The following IL1RAPL1 variants were observed in gnomAD, a reference collection of about 807,000 sequenced individuals.
IL1RAPL1 encodes interleukin 1 receptor accessory protein like 1.
A neutral mutation model predicts 48.4 loss-of-function variants in IL1RAPL1; 3 were observed. The observed-to-expected ratio is 0.06, with a 90% CI of 0.03 to 0.16. The LOEUF is 0.16. IL1RAPL1 is among the 10% of genes least tolerant of loss of function. The pLI is 1.00. For synonymous variants in IL1RAPL1, 185 were observed against 187.7 expected (o/e 0.99, Z 0.12); for missense variants, 349 against 530.6 (o/e 0.66, Z 3.36).
chrX:29,703,487 C>T (rs1016990840), intron 6 of IL1RAPL1, among the ~76,000 whole-genome samples: 6 of 110,405 alleles, frequency 5.4e-5, no homozygotes, highest in Admixed American at 3.9e-4. Flanking sequence ...GGACTACAGG[C>T]GCCCGCCACC....
At chrX:28,828,256 G>A (rs1920984411) in intron 2 of IL1RAPL1, among the ~76,000 whole-genome samples, 1 of 111,782 alleles carries the variant, frequency 8.9e-6, no homozygotes, top group African/African-American at 3.2e-5. Context: ...TCCCATCTCA[G>A]TGAAATATCT....
At chrX:29,577,638 A>G (rs1053171108) in intron 5 of IL1RAPL1, among the ~76,000 whole-genome samples, 2 of 111,948 alleles carry the variant, frequency 1.8e-5, no homozygotes, top group African/African-American at 3.2e-5. Flanking sequence ...AAAGATGGTG[A>G]TGGAAAACTA....
At chrX:28,688,419 C>A (rs985739122) in intron 1 of IL1RAPL1, among the ~76,000 whole-genome samples, 19 of 111,082 alleles carry the variant, frequency 1.7e-4, no homozygotes, top group Non-Finnish European at 9.4e-5. Flanking sequence ...GTTGCCCAGG[C>A]TAGTAGTGTT....
intron 2 of IL1RAPL1, among the ~76,000 whole-genome samples, chrX:28,975,964 C>T (rs1462675223): frequency 1.8e-5 from 2 of 111,354 alleles, no homozygotes; most frequent in East Asian, 2.8e-4. Flanking sequence ...GAAATGAACA[C>T]GTATGTCATG....
chrX:29,115,372 C>T (rs1156955046), intron 2 of IL1RAPL1, among the ~76,000 whole-genome samples: 1 of 111,241 alleles, frequency 9.0e-6, no homozygotes, highest in Non-Finnish European at 1.9e-5. Flanking sequence ...CACTAAGCTC[C>T]CAGATTTGAT....
At chrX:28,803,692 G>A (rs1037172428) in intron 2 of IL1RAPL1, among the ~76,000 whole-genome samples, 1 of 111,566 alleles carries the variant, frequency 9.0e-6, no homozygotes, top group African/African-American at 3.3e-5. Context: ...ATGTACAACT[G>A]TACTTGATTA....
At chrX:29,579,774 C>A (rs5927818) in intron 5 of IL1RAPL1, among the ~76,000 whole-genome samples, 54,211 of 110,408 alleles carry the variant, frequency 0.49, 10,271 homozygotes, top group African/African-American at 0.7. Flanking sequence ...TGAAAACCAA[C>A]ATATCTAACT....
intron 3 of IL1RAPL1, among the ~76,000 whole-genome samples, chrX:29,300,575 A>G (rs1932518075): frequency 8.9e-6 from 1 of 112,239 alleles, no homozygotes; most frequent in South Asian, 3.7e-4. Context: ...GTGATCTTCA[A>G]ATGAATAAGC....
At chrX:29,061,727 G>A (rs779939243) in intron 2 of IL1RAPL1, among the ~76,000 whole-genome samples, 12 of 112,409 alleles carry the variant, frequency 1.1e-4, no homozygotes, top group African/African-American at 1.6e-4. Flanking sequence ...CCAAAGTGCC[G>A]GGATTATAGG....
At chrX:29,908,444 T>A (rs917492762) in intron 6 of IL1RAPL1, among the ~76,000 whole-genome samples, 3 of 109,180 alleles carry the variant, frequency 2.7e-5, no homozygotes, top group African/African-American at 9.9e-5. Context: ...AAGACCCACA[T>A]TCTCTCTTGG....
chrX:28,636,700 G>A (rs778774300), intron 1 of IL1RAPL1, among the ~76,000 whole-genome samples: 21 of 111,343 alleles, frequency 1.9e-4, no homozygotes, highest in African/African-American at 6.9e-4. Context: ...GTTCAAGGGA[G>A]GAAGAAGGAA....
intron 2 of IL1RAPL1, among the ~76,000 whole-genome samples, chrX:29,048,343 T>C (rs950889550): frequency 2.7e-5 from 3 of 112,063 alleles, no homozygotes; most frequent in Admixed American, 9.5e-5. Flanking sequence ...ATTAGTGTTC[T>C]ATGCCAAAAC....
chrX:29,738,818 C>G (rs917951245), intron 6 of IL1RAPL1, among the ~76,000 whole-genome samples: 7 of 112,035 alleles, frequency 6.2e-5, no homozygotes, highest in Non-Finnish European at 1.1e-4. Flanking sequence ...ACAGGGCTCT[C>G]TTGGAGAGTT....
chrX:29,371,358 C>T (rs1933543092), intron 3 of IL1RAPL1, among the ~76,000 whole-genome samples: 1 of 110,967 alleles, frequency 9.0e-6, no homozygotes, highest in Non-Finnish European at 1.9e-5. Context: ...TCTCAAACTC[C>T]TGATTTCAGG....
chrX:29,888,985 C>G (rs756691708), intron 6 of IL1RAPL1, among the ~76,000 whole-genome samples: 3 of 111,861 alleles, frequency 2.7e-5, no homozygotes, highest in Non-Finnish European at 5.6e-5. Flanking sequence ...ATAATTAACC[C>G]TTCAAAACTA....
intron 2 of IL1RAPL1, among the ~76,000 whole-genome samples, chrX:29,176,260 AT>A (rs779013148): frequency 1.7e-3 from 155 of 90,803 alleles, no homozygotes; most frequent in East Asian, 2.4e-3. Context: ...CGCCTGGCTA[AT>A]TTTTTTTTTT....
chrX:29,834,364 A>G (rs754892723), intron 6 of IL1RAPL1, among the ~76,000 whole-genome samples: 18 of 111,853 alleles, frequency 1.6e-4, no homozygotes, highest in Non-Finnish European at 3.0e-4. Flanking sequence ...TCTAGTAGTG[A>G]GTGCAACAGC....
At chrX:29,199,315 A>C (rs1041863688) in intron 2 of IL1RAPL1, among the ~76,000 whole-genome samples, 9 of 111,391 alleles carry the variant, frequency 8.1e-5, no homozygotes, top group Non-Finnish European at 1.5e-4. Context: ...TTTTCTTTGA[A>C]TGATACTATA....
chrX:29,288,149 A>G (rs2147603122), intron 3 of IL1RAPL1, among the ~76,000 whole-genome samples: 1 of 110,590 alleles, frequency 9.0e-6, no homozygotes, highest in Admixed American at 9.7e-5. Flanking sequence ...TTATGTATTT[A>G]TTTATTTATT....
Sources: allele counts gnomAD v4.1 joint callset (sites outside exome capture counted in the v4.1 genomes callset), GRCh38; gene constraint gnomAD v4.1.1; transcripts MANE v1.5; gene names NCBI Gene and HGNC (gene_info 2026-07-23, HGNC 2026-07-21).